Variants in COP1 observed in about 807,000 individuals in gnomAD.
The protein encoded by COP1 is E3 ubiquitin-protein ligase COP1.
COP1 carries 24 observed loss-of-function variants against 101.3 expected under a neutral mutation model. That is an observed-to-expected ratio of 0.24 (90% CI 0.17 to 0.33). COP1 has a LOEUF of 0.33. Ranked by LOEUF, COP1 falls within the 10% of genes least tolerant of loss-of-function variation. COP1 has a pLI of 1.00. For synonymous variants in COP1, 347 were observed against 341.9 expected (o/e 1.01, Z -0.17); for missense variants, 663 against 906.2 (o/e 0.73, Z 3.45).
At chr1:176,008,268 G>A (rs926402268) in intron 15 of COP1, among the ~76,000 whole-genome samples, 10 of 152,150 alleles carry the variant, frequency 6.6e-5, no homozygotes, top group Non-Finnish European at 1.2e-4. Flanking sequence ...AGATGAACCC[G>A]GTACCTCAGA....
chr1:175,954,461 G>A (rs1522637), intron 18 of COP1, among the ~76,000 whole-genome samples: 131,305 of 152,062 alleles, frequency 0.86, 58,756 homozygotes, highest in Non-Finnish European at 0.98. Flanking sequence ...AAAAAGTATT[G>A]AAATGAAAAG....
Position 176,027,694 on chromosome 1 carries a change from G to A in COP1, c.1613-6C>T, listed in dbSNP as rs758880575. On this transcript the variant is annotated splice_polypyrimidine_tract_variant and splice_region_variant and intron_variant, in intron 14 of 19. Coordinates refer to ENST00000367669, the MANE Select transcript of COP1 (RefSeq NM_022457.7). Reference sequence around the variant, plus strand: ...ATTGGTAGACCACAGCTTCACTAAGGGCAAAGGACAATAAAAACAAAAAGA... The same window carrying A: ...ATTGGTAGACCACAGCTTCACTAAGAGCAAAGGACAATAAAAACAAAAAGA... 25 of 1,539,798 alleles carry A rather than the reference G, an allele frequency of 1.6e-5. No individual in the cohort carries two copies. Among genetic ancestry groups the A allele is most frequent in the Non-Finnish European group, 2.0e-5 (22 of 1,113,026 alleles).
intron 18 of COP1, chr1:175,982,410 ACCAACC>A (rs1558205398): frequency 2.2e-6 from 1 of 456,520 alleles, no homozygotes; most frequent in Admixed American, 2.3e-5. Context: ...CCAGAGAAAG[ACCAACC>A]CCACTTCTTT....
chr1:176,113,161 C>CTCA (rs1395585621), intron 9 of COP1, among the ~76,000 whole-genome samples: 13 of 152,118 alleles, frequency 8.5e-5, no homozygotes, highest in Non-Finnish European at 4.4e-5. Context: ...ACTTTACATT[C>CTCA]TCATCAGTAT....
chr1:176,197,006 G>GT (rs1332047571), intron 1 of COP1, among the ~76,000 whole-genome samples: 8 of 151,958 alleles, frequency 5.3e-5, no homozygotes, highest in South Asian at 2.1e-4. Context: ...GGGTTAAATT[G>GT]TATTTCCATC....
At chr1:176,170,549 C>T (rs1695882167) in intron 3 of COP1, among the ~76,000 whole-genome samples, 1 of 152,118 alleles carries the variant, frequency 6.6e-6, no homozygotes, top group African/African-American at 2.4e-5. Flanking sequence ...TTTTTCTAAG[C>T]AGTAGGTCTC....
chr1:176,122,323 T>C (rs1228926927), intron 8 of COP1, among the ~76,000 whole-genome samples: 1 of 152,124 alleles, frequency 6.6e-6, no homozygotes, highest in East Asian at 1.9e-4. Context: ...GTCCCTCTTA[T>C]TCTTCCATCA....
chr1:176,021,327 T>C (rs1453259610), intron 15 of COP1, among the ~76,000 whole-genome samples: 2 of 152,140 alleles, frequency 1.3e-5, no homozygotes, highest in South Asian at 4.1e-4. Context: ...ACTCAAAAAG[T>C]AGTACAGAAT....
chr1:176,122,012 C>T (rs962839389), intron 8 of COP1, among the ~76,000 whole-genome samples: 14 of 151,598 alleles, frequency 9.2e-5, no homozygotes, highest in African/African-American at 1.2e-4. Flanking sequence ...TGGTGGCGGG[C>T]GCCTGTAGTC....
intron 15 of COP1, among the ~76,000 whole-genome samples, chr1:175,995,378 C>CA (rs1659870168): frequency 6.6e-6 from 1 of 151,780 alleles, no homozygotes; most frequent in African/African-American, 2.4e-5. Context: ...TAGCAGAAGG[C>CA]AAAAAATAAT....
At chr1:176,063,380 A>C (rs542629980) in intron 11 of COP1, among the ~76,000 whole-genome samples, 2 of 152,306 alleles carry the variant, frequency 1.3e-5, no homozygotes, top group South Asian at 4.1e-4. Flanking sequence ...TTATGTTTTG[A>C]CTGTCATTAA....
chr1:176,114,414 G>T (rs747315852), intron 9 of COP1, among the ~76,000 whole-genome samples: 1 of 152,052 alleles, frequency 6.6e-6, no homozygotes, highest in South Asian at 2.1e-4. Flanking sequence ...CAAGTTTGGA[G>T]ACAAGAAAAA....
intron 5 of COP1, among the ~76,000 whole-genome samples, chr1:176,154,637 G>A (rs936520283): frequency 6.6e-6 from 1 of 152,128 alleles, no homozygotes; most frequent in Non-Finnish European, 1.5e-5. Context: ...CTATCGGAGG[G>A]TAGAGGGTGG....
At chr1:176,077,350 T>C (rs1255758921) in intron 11 of COP1, among the ~76,000 whole-genome samples, 2 of 152,130 alleles carry the variant, frequency 1.3e-5, no homozygotes, top group Non-Finnish European at 2.9e-5. Flanking sequence ...ATTCAAAATA[T>C]GCAAATCAAT....
intron 8 of COP1, among the ~76,000 whole-genome samples, chr1:176,132,567 G>A (rs934655416): frequency 4.2e-5 from 6 of 144,428 alleles, no homozygotes; most frequent in Non-Finnish European, 7.6e-5. Flanking sequence ...ACATATGTAC[G>A]TATATATACT....
intron 11 of COP1, among the ~76,000 whole-genome samples, chr1:176,065,257 G>A (rs746671778): frequency 3.9e-5 from 6 of 152,154 alleles, no homozygotes; most frequent in Admixed American, 2.6e-4. Flanking sequence ...ACAGTAGATA[G>A]AGAAATTAAC....
intron 18 of COP1, among the ~76,000 whole-genome samples, chr1:175,955,874 C>T (rs928022037): frequency 6.7e-5 from 10 of 150,210 alleles, no homozygotes; most frequent in African/African-American, 2.0e-4. Flanking sequence ...GACAGTTATA[C>T]CATGTTCATA....
intron 18 of COP1, among the ~76,000 whole-genome samples, chr1:175,953,500 G>C (rs1242133805): frequency 1.3e-5 from 2 of 152,070 alleles, no homozygotes; most frequent in Non-Finnish European, 2.9e-5. Flanking sequence ...GCTCATGCCT[G>C]TAATTCCAGC....
At chr1:176,128,706 T>C (rs772365616) in intron 8 of COP1, among the ~76,000 whole-genome samples, 12 of 152,004 alleles carry the variant, frequency 7.9e-5, no homozygotes, top group Non-Finnish European at 1.6e-4. Flanking sequence ...GATAATTTCC[T>C]GTATTGTCAT....
Sources: allele counts gnomAD v4.1 joint callset (sites outside exome capture counted in the v4.1 genomes callset), GRCh38; gene constraint gnomAD v4.1.1; transcripts MANE v1.5; gene names NCBI Gene and HGNC (gene_info 2026-07-23, HGNC 2026-07-21).